DLGAP2: variants seen among roughly 807,000 people sequenced by gnomAD.
DLGAP2 encodes disks large-associated protein 2.
Under a neutral mutation model 100.3 loss-of-function variants are expected in DLGAP2, and 26 were observed. The observed-to-expected ratio is 0.26, with a 90% confidence interval of 0.19 to 0.36. The LOEUF is 0.36. Ranked by LOEUF, DLGAP2 falls within the 10% of genes least tolerant of loss-of-function variation. The probability of loss-of-function intolerance (pLI) is 1.00; values close to 1 mark genes in which losing one functional copy is unlikely to be tolerated. For missense variants in DLGAP2, 1,858 were observed against 1,453.2 expected (o/e 1.28, Z -4.53); for synonymous variants, 886 against 630.1 (o/e 1.41, Z -6.08).
intron 3 of DLGAP2, among the ~76,000 whole-genome samples, chr8:1,444,577 G>T (rs1797929189): frequency 6.6e-6 from 1 of 151,908 alleles, no homozygotes; most frequent in Non-Finnish European, 1.5e-5. Context: ...CATTGACAAT[G>T]CTCCGTGATT....
intron 1 of DLGAP2, among the ~76,000 whole-genome samples, chr8:789,682 G>C (rs1269080409): frequency 6.6e-6 from 1 of 152,226 alleles, no homozygotes; most frequent in African/African-American, 2.4e-5. Context: ...ACTGTCAGCA[G>C]ACACTTACTG....
chr8:1,569,033 C>T (rs1802546799), intron 6 of DLGAP2, among the ~76,000 whole-genome samples: 1 of 149,204 alleles, frequency 6.7e-6, no homozygotes, highest in Non-Finnish European at 1.5e-5. Context: ...CACAAATCCA[C>T]TCTGCCTGCA....
intron 2 of DLGAP2, among the ~76,000 whole-genome samples, chr8:1,163,791 G>A (rs1369712670): frequency 6.6e-6 from 1 of 152,244 alleles, no homozygotes; most frequent in Non-Finnish European, 1.5e-5. Context: ...CTAAATGGCA[G>A]CGGTGAGGAA....
At chr8:1,516,065 G>A (rs1800364023) in intron 4 of DLGAP2, among the ~76,000 whole-genome samples, 1 of 151,946 alleles carries the variant, frequency 6.6e-6, no homozygotes, top group Non-Finnish European at 1.5e-5. Flanking sequence ...GAGTGGGTGA[G>A]TAAAAAAGTA....
intron 2 of DLGAP2, among the ~76,000 whole-genome samples, chr8:1,214,721 A>G (rs1798177669): frequency 6.6e-6 from 1 of 152,246 alleles, no homozygotes; most frequent in Non-Finnish European, 1.5e-5. Flanking sequence ...CTTCGCACAG[A>G]CACAGCAGGT....
intron 2 of DLGAP2, among the ~76,000 whole-genome samples, chr8:1,092,902 T>C (rs1804232053): frequency 6.6e-6 from 1 of 152,152 alleles, no homozygotes; most frequent in African/African-American, 2.4e-5. Flanking sequence ...CTGTGTGGTG[T>C]GGGGCAGTGA....
chr8:998,421 C>T (rs184897164), intron 2 of DLGAP2, among the ~76,000 whole-genome samples: 2 of 152,206 alleles, frequency 1.3e-5, no homozygotes, highest in East Asian at 3.9e-4. Context: ...CCACCTCTGC[C>T]TCCTTCATGG....
At chr8:1,698,705 A>AG (rs1799480520) in intron 14 of DLGAP2, among the ~76,000 whole-genome samples, 1 of 58,976 alleles carries the variant, frequency 1.7e-5, no homozygotes. Flanking sequence ...GCAGGTCCAC[A>AG]TAAGCCATGC....
chr8:1,037,617 G>T (rs551997868), intron 2 of DLGAP2, among the ~76,000 whole-genome samples: 4 of 152,332 alleles, frequency 2.6e-5, no homozygotes, highest in Admixed American at 6.5e-5. Context: ...TCTACAAAAT[G>T]TAGTTTTTAA....
chr8:1,686,928 C>T (rs1799130837), intron 12 of DLGAP2, among the ~76,000 whole-genome samples: 1 of 152,226 alleles, frequency 6.6e-6, no homozygotes, highest in South Asian at 2.1e-4. Flanking sequence ...TCCCAGTCAT[C>T]CTGATTTGAT....
chr8:1,110,395 T>A (rs920199971), intron 2 of DLGAP2, among the ~76,000 whole-genome samples: 1 of 148,234 alleles, frequency 6.7e-6, no homozygotes, highest in African/African-American at 2.5e-5. Flanking sequence ...GTATGCTGGA[T>A]CTGTGAGGTG....
chr8:860,455 A>C (rs58427647), intron 1 of DLGAP2, among the ~76,000 whole-genome samples: 7 of 152,298 alleles, frequency 4.6e-5, no homozygotes, highest in African/African-American at 7.2e-5. Context: ...TTCTGTCCCA[A>C]TGGAATGAAT....
At position 1,416,379 on chromosome 8, in the gene DLGAP2, A is replaced by C. The variant is rs543388200; in HGVS notation, c.107-84987A>C. 4.6e-3 allele frequency among the ~76,000 whole-genome samples: 698 copies of C among 152,312 alleles called. 2 individuals are homozygous for C. The highest frequency in any genetic ancestry group is 6.3e-3 in the Non-Finnish European group (432 of 68,034). ...TGCCTGGTCACTTGAGGGAGGTTCAAACCTCTGCAGTGCAGCGATACTACA... is the reference window on the plus strand; with the variant it reads ...TGCCTGGTCACTTGAGGGAGGTTCACACCTCTGCAGTGCAGCGATACTACA... On this transcript the variant is annotated intron_variant, in intron 3 of 14. Coordinates refer to ENST00000637795, the MANE Select transcript of DLGAP2 (RefSeq NM_001346810.2).
intron 1 of DLGAP2, among the ~76,000 whole-genome samples, chr8:820,554 A>T (rs1215468440): frequency 6.6e-6 from 1 of 152,256 alleles, no homozygotes; most frequent in Non-Finnish European, 1.5e-5. Flanking sequence ...TTGCTCAATA[A>T]TCACATTAAA....
At chr8:1,060,640 A>G (rs937079068) in intron 2 of DLGAP2, among the ~76,000 whole-genome samples, 1 of 152,196 alleles carries the variant, frequency 6.6e-6, no homozygotes, top group African/African-American at 2.4e-5. Flanking sequence ...GAGTAAGATC[A>G]CATTCTGAAG....
rs1820923736 is a variant in DLGAP2, at chr8:756,439, CTTATATA to C, written c.18+18618_18+18624del. Among the ~76,000 whole-genome samples the C allele has an allele frequency of 2.0e-5, 3 of 152,158 alleles. 1 individual carries two copies. In the South Asian group the frequency reaches 6.2e-4, roughly 32 times the overall value. ...TGTTTTTAATTAGCACAGATGCAAT[CTTATATA>C]TTAGAGAAGATTTTAAGACACAATA... is the stretch of plus-strand genomic sequence containing the variant. On this transcript the variant is annotated intron_variant, in intron 1 of 14. Coordinates refer to ENST00000637795, the MANE Select transcript of DLGAP2 (RefSeq NM_001346810.2).
chr8:1,125,503 A>G (rs1796144200), intron 2 of DLGAP2, among the ~76,000 whole-genome samples: 1 of 152,178 alleles, frequency 6.6e-6, no homozygotes, highest in Non-Finnish European at 1.5e-5. Context: ...CCATATAACC[A>G]CTTATTTTGA....
At chr8:1,020,982 G>A (rs976158102) in intron 2 of DLGAP2, among the ~76,000 whole-genome samples, 4 of 152,186 alleles carry the variant, frequency 2.6e-5, no homozygotes, top group Non-Finnish European at 4.4e-5. Context: ...AGGACAAAGT[G>A]TTATGCACCT....
chr8:848,315 G>T (rs1353624507), intron 1 of DLGAP2, among the ~76,000 whole-genome samples: 3 of 152,070 alleles, frequency 2.0e-5, no homozygotes, highest in South Asian at 4.2e-4. Flanking sequence ...GCCTGTTCCA[G>T]TATAGGATCG....
Sources: allele counts gnomAD v4.1 joint callset (sites outside exome capture counted in the v4.1 genomes callset), GRCh38; gene constraint gnomAD v4.1.1; transcripts MANE v1.5; gene names NCBI Gene and HGNC (gene_info 2026-07-23, HGNC 2026-07-21).